The following NTHL1 variants were observed in gnomAD, a reference collection of about 807,000 sequenced individuals.
NTHL1 encodes endonuclease III-like protein 1.
Under a neutral mutation model 32.3 loss-of-function variants are expected in NTHL1, and 32 were observed. That is an observed-to-expected ratio of 0.99 (90% CI 0.75 to 1.33). The LOEUF (loss-of-function observed/expected upper bound fraction) is 1.33, where lower values mean the gene tolerates loss of function less well. Among genes scored for constraint, NTHL1 ranks in the 40% most tolerant of loss-of-function variants. The pLI is 0.00. For synonymous variants in NTHL1, 188 were observed against 176.9 expected, an observed-to-expected ratio of 1.06 and a Z score of -0.50; for missense variants, 501 against 414.1, an observed-to-expected ratio of 1.21 and a Z score of -1.82.
At chr16:2,045,481 G>C (rs1293127930) in intron 2 of NTHL1, among the ~76,000 whole-genome samples, 1 of 151,960 alleles carries the variant, frequency 6.6e-6, no homozygotes. Context: ...CTTTCACCCA[G>C]GCTGAAGTGT....
intron 4 of NTHL1, chr16:2,040,456 C>A (rs2084249872): frequency 1.6e-6 from 1 of 619,000 alleles, no homozygotes; most frequent in Non-Finnish European, 2.9e-6. Flanking sequence ...GCCTCTCTCC[C>A]ATCACCTGAG....
At chr16:2,047,165 CA>C (rs2084455886) in intron 1 of NTHL1, 1 of 155,882 alleles carries the variant, frequency 6.4e-6, no homozygotes, top group African/African-American at 2.4e-5. Context: ...CAGCTCTGGC[CA>C]ATTCTGCAGA....
rs1299013108 is a variant in NTHL1, at chr16:2,043,757, G to A, written c.526-31C>T. The A allele has an allele frequency of 6.2e-7, 1 of 1,608,944 alleles. No homozygotes were observed. Among genetic ancestry groups the A allele is most frequent in the South Asian group, 1.1e-5 (1 of 91,056 alleles). ...AGACAGGGGTGGGTTCAGCCTTGGA[G>A]GCAAGGGCACAGCCCAACCTGGGAG... On this transcript the variant is annotated intron_variant, in intron 3 of 5. Transcript: ENST00000651570. The surrounding 1 kb of genome is among the most constrained non-coding windows in gnomAD (Gnocchi z 4.4).
At chr16:2,040,304 C>T (rs2084246810) in intron 4 of NTHL1, 66 bp from the exon 5 acceptor site, 1 of 1,457,944 alleles carries the variant, frequency 6.9e-7, no homozygotes, top group Admixed American at 1.7e-5. Context: ...CCCCTCCCCG[C>T]CCAGAGGCGA....
Position 2,046,284 on chromosome 16 carries a change from C to G in NTHL1, c.198G>C (p.Glu66Asp). Residue 66 changes from glutamate (E) to aspartate (D), a missense_variant, in exon 2 of 6, where the codon GAG (glutamate) becomes GAC (aspartate). Glu to Asp is a conservative substitution (Grantham distance 45). Coordinates refer to ENST00000651570, the MANE Select transcript of NTHL1 (RefSeq NM_002528.7). Reference protein sequence around the residue: ...LRVAYEGSDSEKGEGAEPLKV... With the variant: ...LRVAYEGSDSDKGEGAEPLKV... ...TGAGGGGCTCAGCCCCCTCACCTTT[C>G]TCACTGTCCGAGCCCTCATAGGCCA... The G allele has an allele frequency of 6.2e-7, 1 of 1,613,302 alleles. No individual in the cohort carries two copies. The highest frequency in any genetic ancestry group is 1.7e-4 in the Middle Eastern group (1 of 6,060).
intron 5 of NTHL1, 36 bp downstream of exon 5, chr16:2,040,097 G>A (rs370514016): frequency 1.9e-6 from 3 of 1,612,524 alleles, no homozygotes; most frequent in Middle Eastern, 1.7e-4. Flanking sequence ...GGCGGGGTGA[G>A]CTCTTCTCCC....
chr16:2,043,475 G>C lies in NTHL1; in HGVS notation c.685+92C>G, dbSNP rs1596219175. 3.9e-6 allele frequency: 6 copies of C among 1,550,028 alleles called. No homozygotes were observed. Among genetic ancestry groups the C allele is most frequent in the Admixed American group, 1.7e-5 (1 of 59,006 alleles). On this transcript the variant is annotated intron_variant, in intron 4 of 5. Transcript: ENST00000651570. This position sits in a 1 kb window ranked among gnomAD's most constrained non-coding sequence, Gnocchi z 4.4. ...ACTCTATGGGCTGGGTGGAGGACCA[G>C]CATGCTGGAAGTGGAGTCACAGGTC...
chr16:2,042,299 C>G (rs957348738), intron 4 of NTHL1, among the ~76,000 whole-genome samples: 6 of 152,336 alleles, frequency 3.9e-5, no homozygotes, highest in Non-Finnish European at 8.8e-5. Flanking sequence ...GACAGCCGCC[C>G]AGATAAGCTC....
At chr16:2,041,254 T>C (rs565127075) in intron 4 of NTHL1, among the ~76,000 whole-genome samples, 1 of 152,346 alleles carries the variant, frequency 6.6e-6, no homozygotes, top group East Asian at 1.9e-4. Context: ...AACACGGAAG[T>C]GGCCATGCTT....
chr16:2,042,441 C>T lies in NTHL1; in HGVS notation c.685+1126G>A, dbSNP rs3211981. On this transcript the variant is annotated intron_variant, in intron 4 of 5. Transcript: ENST00000651570. ...GCTGTTCAGCCTCACCAGGTGGCCC[C>T]GGCTCAGAATAGAGGCCCCCGGCCC... 3.8e-3 allele frequency among the ~76,000 whole-genome samples: 577 copies of T among 152,274 alleles called. 9 individuals carry two copies. Among genetic ancestry groups the T allele is most frequent in the African/African-American group, 0.014 (561 of 41,546 alleles).
chr16:2,041,847 A>T (rs538768119), intron 4 of NTHL1, among the ~76,000 whole-genome samples: 1 of 152,156 alleles, frequency 6.6e-6, no homozygotes, highest in East Asian at 1.9e-4. Flanking sequence ...TGACCTCGTG[A>T]TCTGCCTGCC....
At position 2,043,210 on chromosome 16, in the gene NTHL1, C is replaced by T. The variant is rs1034385182; in HGVS notation, c.685+357G>A. Reference sequence around the variant, plus strand: ...GTGAAGGATGACCTTGGGGGCCTTCCCAGAGGCCCTGGGCCCAAGCCAGGC... The same window carrying T: ...GTGAAGGATGACCTTGGGGGCCTTCTCAGAGGCCCTGGGCCCAAGCCAGGC... On this transcript the variant is annotated intron_variant, in intron 4 of 5. Coordinates refer to ENST00000651570, the MANE Select transcript of NTHL1 (RefSeq NM_002528.7). The surrounding 1 kb of genome is among the most constrained non-coding windows in gnomAD (Gnocchi z 4.4). Among the ~76,000 whole-genome samples, 3 of 151,670 alleles carry T rather than the reference C, an allele frequency of 2.0e-5. No homozygotes were observed. The highest frequency in any genetic ancestry group is 4.8e-5 in the African/African-American group (2 of 41,260).
Position 2,043,593 on chromosome 16 carries a change from A to G in NTHL1, c.659T>C (p.Val220Ala). 1.2e-6 allele frequency: 2 copies of G among 1,609,200 alleles called. No homozygotes were observed. Among genetic ancestry groups the G allele is most frequent in the South Asian group, 2.2e-5 (2 of 91,084 alleles). ...AATGCCTGACACAGTGCCCCAGGCC[A>G]CAGCCATAGCCAGGTGTGCCATCTT... is the stretch of plus-strand genomic sequence containing the variant. The part of the protein sequence containing the change: ...GPKMAHLAMA[V>A]AWGTVSGIAV... The change falls in exon 4 of 6, where the codon GTG becomes GCG. Residue 220 changes from valine to alanine, a missense_variant. Coordinates refer to ENST00000651570, the MANE Select transcript of NTHL1 (RefSeq NM_002528.7). This position sits in a 1 kb window ranked among gnomAD's most constrained non-coding sequence, Gnocchi z 4.4.
intron 1 of NTHL1, among the ~76,000 whole-genome samples, chr16:2,046,653 A>T (rs765829385): frequency 1.7e-4 from 26 of 152,122 alleles, no homozygotes; most frequent in Non-Finnish European, 3.4e-4. Context: ...TAACACCCAC[A>T]TCAGGTTGTG....
chr16:2,047,826 C>G lies in NTHL1; in HGVS notation c.-3G>C, dbSNP rs751927624. 5.6e-6 allele frequency: 9 copies of G among 1,593,528 alleles called. No homozygotes were observed. The highest frequency in any genetic ancestry group is 4.5e-5 in the East Asian group (2 of 44,344). On this transcript the variant is annotated 5_prime_UTR_variant, in exon 1 of 6. Coordinates refer to ENST00000651570, the MANE Select transcript of NTHL1 (RefSeq NM_002528.7). ...ATCCTCGCGCTCAAGGCGGTCATGC[C>G]GGACTCCTGCGGACTACACATCCCG...
At position 2,043,378 on chromosome 16, in the gene NTHL1, C is replaced by T; in HGVS notation, c.685+189G>A. On this transcript the variant is annotated intron_variant, in intron 4 of 5. Transcript: ENST00000651570. This position sits in a 1 kb window ranked among gnomAD's most constrained non-coding sequence, Gnocchi z 4.4. The stretch of plus-strand genomic sequence containing the variant: ...CCCTGCACGGAGCAGGTGCTCAGCC[C>T]ATGTGACCTCCTGCCCCAGCACCTG... The T allele has an allele frequency of 1.4e-6, 1 of 717,672 alleles. No homozygotes were observed. The highest frequency in any genetic ancestry group is 2.7e-5 in the East Asian group (1 of 36,786). The allele number at this position is 717,672 out of a possible 1,614,324, so 44.5% of individuals were successfully genotyped here.
intron 2 of NTHL1, among the ~76,000 whole-genome samples, chr16:2,045,191 G>A (rs2150942940): frequency 6.6e-6 from 1 of 152,162 alleles, no homozygotes; most frequent in South Asian, 2.1e-4. Context: ...ACAAACATTA[G>A]CTGGGTGCGG....
rs1004057524 is a variant in NTHL1 at position 2,046,353 on chromosome 16, G to A, written c.129C>T (p.Ser43=). 1.2e-6 allele frequency: 2 copies of A among 1,605,084 alleles called. No individual in the cohort carries two copies. Among genetic ancestry groups the A allele is most frequent in the African/African-American group, 1.3e-5 (1 of 74,780 alleles). The change falls in exon 2 of 6, where the codon AGC becomes AGT. Residue 43 remains serine, a synonymous_variant. Transcript: ENST00000651570. The part of the protein sequence containing the change: ...RREAAAEARK[S]HSPVKRPRKA... ...TCCGCGGACGCTTCACGGGGCTGTG[G>A]CTTTTCCTCGCTTCTGCAAAAAGCA...
At chr16:2,045,988 G>A (rs1596221974) in intron 2 of NTHL1, 140 bp downstream of exon 2, 1 of 709,658 alleles carries the variant, frequency 1.4e-6, no homozygotes, top group South Asian at 1.7e-5. Flanking sequence ...TGATGCAGGC[G>A]ATGCTCTGGG....
Sources: gnomAD v4.1 joint callset for allele counts (sites outside exome capture counted in the v4.1 genomes callset) on GRCh38, gnomAD v4.1.1 for gene constraint, Gnocchi (gnomAD v3.1) non-coding constraint, MANE v1.5 for transcripts, NCBI Gene and HGNC (gene_info 2026-07-23, HGNC 2026-07-21) for gene names.